Variants in TENM4 observed in about 807,000 individuals in gnomAD.
The protein encoded by TENM4 is teneurin transmembrane protein 4, also known as teneurin-4.
Under a neutral mutation model 243.3 loss-of-function variants are expected in TENM4, and 82 were observed. The ratio of observed to expected loss-of-function variants is 0.34; its 90% CI spans 0.28 to 0.40. The LOEUF (loss-of-function observed/expected upper bound fraction) is 0.40. Ranked by LOEUF, TENM4 falls within the 10% of genes least tolerant of loss-of-function variation. The pLI is 1.00. For missense variants in TENM4, 3,138 were observed against 3,673.3 expected (o/e 0.85, Z 3.77); for synonymous variants, 1,412 against 1,456.3 (o/e 0.97, Z 0.69).
intron 4 of TENM4, among the ~76,000 whole-genome samples, chr11:79,139,479 ATAAAATATATATTATATTTCT>A: frequency 2.9e-4 from 9 of 31,364 alleles, no homozygotes; most frequent in Non-Finnish European, 5.7e-4. Flanking sequence ...CTAGAAATAT[ATAAAATATATATTATATTTCT>A]AGAAATATAT....
chr11:78,738,387 A>G, intron 20 of TENM4, 64 bp downstream of exon 20: 1 of 1,558,380 alleles, frequency 6.4e-7, no homozygotes, highest in Non-Finnish European at 8.7e-7. Context: ...GTCCAGCAGC[A>G]GCTATATGGC....
chr11:78,915,228 C>G (rs73500654), intron 6 of TENM4, among the ~76,000 whole-genome samples: 2,009 of 152,298 alleles, frequency 0.013, 56 homozygotes, highest in African/African-American at 0.046. Flanking sequence ...CTGGTTAACT[C>G]AGATTAGAAG....
At chr11:79,356,015 C>T (rs993096971) in intron 1 of TENM4, among the ~76,000 whole-genome samples, 15 of 152,160 alleles carry the variant, frequency 9.9e-5, no homozygotes, top group African/African-American at 3.4e-4. Flanking sequence ...TCTACTGCCT[C>T]GAGGGCCCAC....
intron 6 of TENM4, among the ~76,000 whole-genome samples, chr11:78,908,968 G>T (rs1299300872): frequency 1.3e-5 from 2 of 152,216 alleles, no homozygotes; most frequent in Non-Finnish European, 2.9e-5. Context: ...AAAGATACAA[G>T]AGCAGAGCTC....
intron 3 of TENM4, among the ~76,000 whole-genome samples, chr11:79,171,496 T>C (rs1015694278): frequency 6.6e-6 from 1 of 152,216 alleles, no homozygotes; most frequent in Non-Finnish European, 1.5e-5. Flanking sequence ...CTTTGATCTA[T>C]GAAACGATTA....
chr11:79,210,355 T>C (rs1863933121), intron 3 of TENM4, among the ~76,000 whole-genome samples: 1 of 152,234 alleles, frequency 6.6e-6, no homozygotes, highest in Admixed American at 6.5e-5. Context: ...GATTGTCTGC[T>C]GTGTGCATGG....
chr11:79,226,731 C>T (rs1326895169), intron 2 of TENM4, among the ~76,000 whole-genome samples: 4 of 152,196 alleles, frequency 2.6e-5, no homozygotes, highest in African/African-American at 9.6e-5. Flanking sequence ...TTACCGCCCC[C>T]TCCCCAAAGT....
At chr11:78,927,040 C>T (rs1856568716) in intron 6 of TENM4, among the ~76,000 whole-genome samples, 1 of 152,186 alleles carries the variant, frequency 6.6e-6, no homozygotes, top group African/African-American at 2.4e-5. Flanking sequence ...TCTTTGCTTG[C>T]TGTGCACTAA....
chr11:78,745,005 G>A (rs769796859), intron 19 of TENM4, among the ~76,000 whole-genome samples: 2 of 151,974 alleles, frequency 1.3e-5, no homozygotes, highest in African/African-American at 2.4e-5. Flanking sequence ...GCTTGTACTC[G>A]CACTATTAGT....
chr11:79,088,622 G>A (rs553545901), intron 4 of TENM4, among the ~76,000 whole-genome samples: 3 of 152,256 alleles, frequency 2.0e-5, no homozygotes, highest in Middle Eastern at 3.4e-3. Context: ...AACAGGCTTC[G>A]CACTTGGCTG....
chr11:78,726,287 T>C (rs1003765111), intron 22 of TENM4, 65 bp from the exon 23 acceptor site: 4 of 1,549,772 alleles, frequency 2.6e-6, no homozygotes, highest in Admixed American at 1.9e-5. Context: ...CCTTTAGACC[T>C]GTAGGCAAGG....
At chr11:78,833,312 A>G (rs1858024297) in intron 12 of TENM4, among the ~76,000 whole-genome samples, 1 of 152,210 alleles carries the variant, frequency 6.6e-6, no homozygotes. Context: ...GTGCTTATAC[A>G]GCAATTTTTG....
At chr11:79,029,089 G>C (rs192146380) in intron 6 of TENM4, among the ~76,000 whole-genome samples, 43 of 151,786 alleles carry the variant, frequency 2.8e-4, no homozygotes, top group African/African-American at 8.5e-4. Flanking sequence ...TTTTCCCCTC[G>C]CATCTTCAGA....
intron 10 of TENM4, among the ~76,000 whole-genome samples, chr11:78,857,930 A>G (rs1858717406): frequency 6.6e-6 from 1 of 152,256 alleles, no homozygotes; most frequent in South Asian, 2.1e-4. Flanking sequence ...ACTAAGAGGG[A>G]GAATGAAACA....
At chr11:79,359,650 G>A (rs1353854753) in intron 1 of TENM4, among the ~76,000 whole-genome samples, 7 of 152,188 alleles carry the variant, frequency 4.6e-5, no homozygotes, top group Non-Finnish European at 8.8e-5. Flanking sequence ...TGCTGAGGTC[G>A]AAGGGGGGAG....
intron 1 of TENM4, chr11:79,422,084 A>T (rs1205047293): frequency 6.5e-6 from 1 of 153,754 alleles, no homozygotes; most frequent in Non-Finnish European, 1.5e-5. Context: ...TAACCAAGGG[A>T]ACCACATCCC....
chr11:78,732,692 C>T, intron 20 of TENM4, 115 bp from the exon 21 acceptor site: 1 of 1,234,098 alleles, frequency 8.1e-7, no homozygotes, highest in African/African-American at 1.5e-5. Flanking sequence ...CTCAGCATTT[C>T]TTGAGGGAGG....
At chr11:79,246,511 C>T (rs79224559) in intron 2 of TENM4, among the ~76,000 whole-genome samples, 3,674 of 152,238 alleles carry the variant, frequency 0.024, 129 homozygotes, top group East Asian at 0.11. Flanking sequence ...AACAGTCAAA[C>T]ACGGGAAATA....
chr11:78,776,805 T>C (rs1856749374), intron 17 of TENM4, among the ~76,000 whole-genome samples: 1 of 152,020 alleles, frequency 6.6e-6, no homozygotes, highest in African/African-American at 2.4e-5. Context: ...AGAAAGAATA[T>C]AGGCCACTTC....
Sources: gnomAD v4.1 joint callset for allele counts (sites outside exome capture counted in the v4.1 genomes callset) on GRCh38, gnomAD v4.1.1 for gene constraint, MANE v1.5 for transcripts, NCBI Gene and HGNC (gene_info 2026-07-23, HGNC 2026-07-21) for gene names.